Variants in FAIM2 observed in about 807,000 individuals in gnomAD.
FAIM2 encodes the protein protein lifeguard 2.
Under a neutral mutation model 47.4 loss-of-function variants are expected in FAIM2, and 27 were observed. That is an observed-to-expected ratio of 0.57 (90% CI 0.42 to 0.78). The LOEUF (loss-of-function observed/expected upper bound fraction) is 0.78. FAIM2 is among the 30% of genes least tolerant of loss of function. The pLI, the probability that FAIM2 is intolerant of heterozygous loss-of-function variation, is 0.00. For synonymous variants in FAIM2, 156 were observed against 159.3 expected (o/e 0.98, Z 0.16); for missense variants, 311 against 389.4 (o/e 0.80, Z 1.69).
In FAIM2 at chr12:49,890,107, T is replaced by A. The variant is rs768363089; in HGVS notation, c.563+10A>T. 6.2e-7 allele frequency: 1 copy of A among 1,613,580 alleles called. No homozygotes were observed. The highest frequency in any genetic ancestry group is 1.1e-5 in the South Asian group (1 of 91,070). On this transcript the variant is annotated intron_variant, in intron 8 of 11. Transcript: ENST00000320634. ...TATGGTCCTTCTCTCCTTCCACCTG[T>A]TCCCTTTACCTGGACAGCATCCCAG...
In FAIM2 at chr12:49,874,556, T is replaced by C. The variant is rs2137079408; in HGVS notation, c.802-3903A>G. 6.6e-6 allele frequency among the ~76,000 whole-genome samples: 1 copy of C among 152,292 alleles called. No homozygotes were observed. Among genetic ancestry groups the C allele is most frequent in the African/African-American group, 2.4e-5 (1 of 41,550 alleles). Reference sequence around the variant, plus strand: ...CCACACATTTGGCCTGACCCTGCCATATCTGGGGCCCAGGCTTATGTCCGT... The same window carrying C: ...CCACACATTTGGCCTGACCCTGCCACATCTGGGGCCCAGGCTTATGTCCGT... On this transcript the variant is annotated intron_variant, in intron 11 of 11. Coordinates refer to ENST00000320634, the MANE Select transcript of FAIM2 (RefSeq NM_012306.4). The surrounding 1 kb of genome is among the most constrained non-coding windows in gnomAD (Gnocchi z 4.2).
intron 11 of FAIM2, among the ~76,000 whole-genome samples, chr12:49,876,074 A>G (rs1164369103): frequency 3.3e-5 from 5 of 152,252 alleles, no homozygotes; most frequent in African/African-American, 1.2e-4. Flanking sequence ...GTCATACGAG[A>G]AAGGGCATGA....
chr12:49,880,627 T>TGC (rs1946814844), intron 11 of FAIM2, among the ~76,000 whole-genome samples: 1 of 62,116 alleles, frequency 1.6e-5, no homozygotes, highest in African/African-American at 9.5e-5. Flanking sequence ...TATGTGCATG[T>TGC]GTGTATATAT....
intron 11 of FAIM2, among the ~76,000 whole-genome samples, chr12:49,879,309 T>C (rs991296984): frequency 2.9e-5 from 3 of 104,288 alleles, no homozygotes; most frequent in Admixed American, 2.3e-4. Context: ...TGTATGCATG[T>C]GCATGTGTAT....
chr12:49,889,317 A>G (rs1263538789), intron 9 of FAIM2, 115 bp from the exon 10 acceptor site: 4 of 993,236 alleles, frequency 4.0e-6, no homozygotes, highest in Non-Finnish European at 6.3e-6. Context: ...AGAACCTGGC[A>G]TTCCTTCCCC....
Position 49,867,589 on chromosome 12 carries a change from C to G in FAIM2, c.*2915G>C, listed in dbSNP as rs1057075030. 1 of 152,240 alleles carries G rather than the reference C, an allele frequency of 6.6e-6. No homozygotes were observed. Among genetic ancestry groups the G allele is most frequent in the African/African-American group, 2.4e-5 (1 of 41,438 alleles). The allele number at this position is 152,240 out of a possible 1,614,324, so 9.4% of individuals were successfully genotyped here. A position where few individuals can be genotyped will look rare whatever the true frequency, so the allele number is the denominator to read the frequency against. On this transcript the variant is annotated 3_prime_UTR_variant, in exon 12 of 12. Coordinates refer to ENST00000320634, the MANE Select transcript of FAIM2 (RefSeq NM_012306.4). ...TCCAGAAGAGGACTTCAGTGGGAGA[C>G]CCCTCAACTCACATTCCGGACAGTC...
chr12:49,880,166 GTA>G lies in FAIM2; in HGVS notation c.801+7218_801+7219del, dbSNP rs1491267289. ...TGTGAGTGTATGTGTGTGCATGTGT[GTA>G]TGTGTGTGTATGCATGTGTGTATAT... On this transcript the variant is annotated intron_variant, in intron 11 of 11. Transcript: ENST00000320634. 4.2e-3 allele frequency among the ~76,000 whole-genome samples: 443 copies of G among 106,114 alleles called. 1 individual carries two copies. Among genetic ancestry groups the G allele is most frequent in the South Asian group, 6.9e-3 (19 of 2,768 alleles). The allele number at this position is 106,114 out of a possible 152,430, so 69.6% of individuals were successfully genotyped here. A position where few individuals can be genotyped will look rare whatever the true frequency, so the allele number is the denominator to read the frequency against.
intron 5 of FAIM2, among the ~76,000 whole-genome samples, chr12:49,895,703 C>T (rs1014109657): frequency 1.3e-5 from 2 of 152,184 alleles, no homozygotes; most frequent in African/African-American, 2.4e-5. Flanking sequence ...GGGTCCTTAC[C>T]ATCAGCCTCT....
Position 49,898,883 on chromosome 12 carries a change from T to C in FAIM2, c.212-793A>G, listed in dbSNP as rs555282186. Among the ~76,000 whole-genome samples the C allele has an allele frequency of 1.3e-4, 19 of 150,846 alleles. No homozygotes were observed. In the East Asian group the frequency reaches 3.3e-3, roughly 26 times the overall value. ...CTGGGAGCTGGGGACTGGTTGGCTG[T>C]GGTGGACCGCTGGTACTCCAGCTGG... On this transcript the variant is annotated intron_variant, in intron 2 of 11. Transcript: ENST00000320634.
intron 11 of FAIM2, among the ~76,000 whole-genome samples, chr12:49,873,682 G>A (rs758405967): frequency 1.1e-4 from 16 of 152,230 alleles, no homozygotes; most frequent in Non-Finnish European, 2.1e-4. Flanking sequence ...GCAGCCAGCT[G>A]GCTTTTCTCT....
At chr12:49,889,224 A>G in intron 9 of FAIM2, 22 bp from the exon 10 acceptor site, 1 of 1,583,656 alleles carries the variant, frequency 6.3e-7, no homozygotes, top group Non-Finnish European at 8.6e-7. Flanking sequence ...GGATGGGGTT[A>G]GCTGCAGGAG....
At chr12:49,892,736 C>A (rs297928) in intron 5 of FAIM2, among the ~76,000 whole-genome samples, 2,072 of 152,292 alleles carry the variant, frequency 0.014, 41 homozygotes, top group African/African-American at 0.047. Flanking sequence ...ACTCATCCAC[C>A]TGACTTGCTC....
rs867779341 is a variant in FAIM2 at position 49,897,995 on chromosome 12, CAA to C, written c.305_306del (p.Phe102CysfsTer26). On this transcript the variant is annotated frameshift_variant, in exon 3 of 12. Transcript: ENST00000320634. LOFTEE classifies it high-confidence loss of function. ...SWDDQKVRRV[F>X]VRKVYTILLI... ...CTACAGAGGGGCATTACCTTTCTGA[CAA>C]AGACTCGACGAACTTTCTGGTCATC... 1.2e-6 allele frequency: 2 copies of C among 1,613,400 alleles called. No individual in the cohort carries two copies. Among genetic ancestry groups the C allele is most frequent in the Non-Finnish European group, 1.7e-6 (2 of 1,179,460 alleles).
At chr12:49,887,913 G>C (rs1203094505) in intron 10 of FAIM2, among the ~76,000 whole-genome samples, 2 of 152,152 alleles carry the variant, frequency 1.3e-5, no homozygotes, top group African/African-American at 4.8e-5. Context: ...TGTGTTGGGG[G>C]GGCATCTGGA....
chr12:49,877,980 ATG>A (rs528002558), intron 11 of FAIM2, among the ~76,000 whole-genome samples: 11 of 147,544 alleles, frequency 7.5e-5, no homozygotes, highest in Non-Finnish European at 1.0e-4. Context: ...GTGTGCATGT[ATG>A]TGTTTATGTG....
chr12:49,891,104 AG>A lies in FAIM2; in HGVS notation c.444del (p.Phe149LeufsTer5), dbSNP rs1172789188. On this transcript the variant is annotated frameshift_variant, in exon 6 of 12. Transcript: ENST00000320634. LOFTEE classifies it high-confidence loss of function. ...PGWYWASYAVFFATYLTLACC... is the reference protein window; with the variant it reads ...PGWYWASYAVXFATYLTLACC... Reference sequence around the variant, plus strand: ...CAAGCCAGGGTCAGGTAGGTTGCAAAGAACACAGCACTGTGAGAGACAGATG... The same window carrying A: ...CAAGCCAGGGTCAGGTAGGTTGCAAAAACACAGCACTGTGAGAGACAGATG... 6.2e-7 allele frequency: 1 copy of A among 1,614,144 alleles called. No homozygotes were observed. The highest frequency in any genetic ancestry group is 8.5e-7 in the Non-Finnish European group (1 of 1,179,996).
At position 49,868,164 on chromosome 12, in the gene FAIM2, T is replaced by TG. The variant is rs1158760353; in HGVS notation, c.*2339dup. ...AGGCTATCTGACAGTGGCAGGAGAGTGGGGTGCTGGGGCTAACCCTCTGGA... is the reference window on the plus strand; with the variant it reads ...AGGCTATCTGACAGTGGCAGGAGAGTGGGGGTGCTGGGGCTAACCCTCTGGA... On this transcript the variant is annotated 3_prime_UTR_variant, in exon 12 of 12. Transcript: ENST00000320634. 6.6e-6 allele frequency: 1 copy of TG among 151,960 alleles called. No homozygotes were observed. The highest frequency in any genetic ancestry group is 1.9e-4 in the East Asian group (1 of 5,164). 9.4% of individuals were successfully genotyped at this position (151,960 alleles called of 1,614,324 possible). A position where few individuals can be genotyped will look rare whatever the true frequency, so the allele number is the denominator to read the frequency against.
chr12:49,880,576 G>T (rs1216269504), intron 11 of FAIM2, among the ~76,000 whole-genome samples: 1 of 137,126 alleles, frequency 7.3e-6, no homozygotes, highest in Admixed American at 7.3e-5. Context: ...GTGTATCTGT[G>T]CATGTGTATA....
chr12:49,869,981 C>G lies in FAIM2; in HGVS notation c.*523G>C, dbSNP rs1468540469. ...AGAGAAGATGGGCAGACTGGGACAG[C>G]CATCCTGCCCACCCACTCCACCTGC... On this transcript the variant is annotated 3_prime_UTR_variant, in exon 12 of 12. Transcript: ENST00000320634. The G allele has an allele frequency of 6.5e-6, 1 of 152,984 alleles. No homozygotes were observed. Among genetic ancestry groups the G allele is most frequent in the Non-Finnish European group, 1.5e-5 (1 of 68,688 alleles). The allele number at this position is 152,984 out of a possible 1,614,324, so 9.5% of individuals were successfully genotyped here.
Sources: gnomAD v4.1 joint callset for allele counts (sites outside exome capture counted in the v4.1 genomes callset) on GRCh38, gnomAD v4.1.1 for gene constraint, Gnocchi (gnomAD v3.1) non-coding constraint, MANE v1.5 for transcripts, NCBI Gene and HGNC (gene_info 2026-07-23, HGNC 2026-07-21) for gene names.